CREB5: variants seen among roughly 807,000 people sequenced by gnomAD.
The protein encoded by CREB5 is cAMP responsive element binding protein 5.
A neutral mutation model predicts 57.1 loss-of-function variants in CREB5; 19 were observed. The ratio of observed to expected loss-of-function variants is 0.33; its 90% CI spans 0.23 to 0.49. CREB5 has a LOEUF of 0.49. Ranked by LOEUF, CREB5 falls within the 20% of genes least tolerant of loss-of-function variation. The pLI, the probability that CREB5 is intolerant of heterozygous loss-of-function variation, is 0.99. For missense variants in CREB5, 579 were observed against 671.6 expected, an observed-to-expected ratio of 0.86 and a Z score of 1.52; for synonymous variants, 238 against 238.3, an observed-to-expected ratio of 1.00 and a Z score of 0.01.
chr7:28,666,004 T>A (rs1246401907), intron 5 of CREB5, among the ~76,000 whole-genome samples: 1 of 152,158 alleles, frequency 6.6e-6, no homozygotes, highest in Non-Finnish European at 1.5e-5. Flanking sequence ...GAAAAAACAG[T>A]AAGAAAAATC....
chr7:28,458,022 G>T (rs1408828924), intron 1 of CREB5, among the ~76,000 whole-genome samples: 1 of 152,030 alleles, frequency 6.6e-6, no homozygotes, highest in African/African-American at 2.4e-5. Context: ...AGCATGACAG[G>T]GCCCTATCCC....
intron 5 of CREB5, among the ~76,000 whole-genome samples, chr7:28,605,433 T>G (rs1196920987): frequency 6.6e-6 from 1 of 152,240 alleles, no homozygotes; most frequent in African/African-American, 2.4e-5. Flanking sequence ...GTCAAAGACA[T>G]GACACTTCAG....
intron 5 of CREB5, among the ~76,000 whole-genome samples, chr7:28,660,384 T>TG (rs986079690): frequency 1.3e-5 from 2 of 149,882 alleles, no homozygotes; most frequent in Non-Finnish European, 3.0e-5. Context: ...TTCAACAGTT[T>TG]TTTTTTTTTT....
chr7:28,493,335 A>G (rs768548217), intron 2 of CREB5, among the ~76,000 whole-genome samples: 1 of 152,248 alleles, frequency 6.6e-6, no homozygotes, highest in Non-Finnish European at 1.5e-5. Context: ...TTCAGTTACT[A>G]CAAACATACC....
At chr7:28,621,677 C>A (rs1797796962) in intron 5 of CREB5, among the ~76,000 whole-genome samples, 1 of 152,146 alleles carries the variant, frequency 6.6e-6, no homozygotes, top group South Asian at 2.1e-4. Context: ...TGATCTCACT[C>A]CCCTGAGTAG....
At chr7:28,484,991 A>G (rs986462177) in intron 1 of CREB5, among the ~76,000 whole-genome samples, 1 of 152,256 alleles carries the variant, frequency 6.6e-6, no homozygotes, top group Non-Finnish European at 1.5e-5. Context: ...AAATGCAGCC[A>G]TTAATTAAGA....
chr7:28,740,240 C>T (rs1390026144), intron 7 of CREB5, among the ~76,000 whole-genome samples: 1 of 152,184 alleles, frequency 6.6e-6, no homozygotes, highest in Non-Finnish European at 1.5e-5. Context: ...CAGGAAACAA[C>T]TAGATAAATT....
At chr7:28,661,742 C>T (rs1562556364) in intron 5 of CREB5, among the ~76,000 whole-genome samples, 1 of 152,166 alleles carries the variant, frequency 6.6e-6, no homozygotes, top group Admixed American at 6.5e-5. Flanking sequence ...TTACAGCACA[C>T]TCATTTATTG....
intron 1 of CREB5, among the ~76,000 whole-genome samples, chr7:28,431,997 T>G (rs889725189): frequency 6.6e-6 from 1 of 151,632 alleles, no homozygotes; most frequent in Non-Finnish European, 1.5e-5. Context: ...TTTTTTTTTT[T>G]TTGCTTTTTT....
chr7:28,732,251 A>G (rs979289326), intron 7 of CREB5, among the ~76,000 whole-genome samples: 2 of 151,958 alleles, frequency 1.3e-5, no homozygotes, highest in African/African-American at 2.4e-5. Flanking sequence ...GCCAGTATCC[A>G]CCCTGTTTTG....
chr7:28,366,943 A>G (rs954213279), intron 1 of CREB5, among the ~76,000 whole-genome samples: 1 of 152,180 alleles, frequency 6.6e-6, no homozygotes, highest in African/African-American at 2.4e-5. Context: ...TCTTTATTTT[A>G]TTAGGTACAT....
chr7:28,353,660 G>A (rs1284996451), intron 1 of CREB5, among the ~76,000 whole-genome samples: 1 of 151,910 alleles, frequency 6.6e-6, no homozygotes, highest in Non-Finnish European at 1.5e-5. Context: ...TGGCTAACAT[G>A]GTGAAACCCC....
At chr7:28,691,385 A>C (rs2128730592) in intron 5 of CREB5, among the ~76,000 whole-genome samples, 1 of 138,984 alleles carries the variant, frequency 7.2e-6, no homozygotes, top group African/African-American at 2.7e-5. Flanking sequence ...GTGCCATTGC[A>C]CTCCAGCCTG....
intron 1 of CREB5, among the ~76,000 whole-genome samples, chr7:28,442,800 A>C (rs566294116): frequency 6.6e-6 from 1 of 152,280 alleles, no homozygotes; most frequent in East Asian, 1.9e-4. Context: ...AGTCAGTATC[A>C]CTCATCATTG....
intron 7 of CREB5, among the ~76,000 whole-genome samples, chr7:28,787,970 T>C (rs1807434045): frequency 6.6e-6 from 1 of 152,236 alleles, no homozygotes. Context: ...GTTATTTAGC[T>C]GAATTTTGAT....
Position 28,718,826 on chromosome 7 carries a change from C to G in CREB5, c.538C>G (p.Pro180Ala). The G allele has an allele frequency of 2.5e-6, 4 of 1,614,122 alleles. No homozygotes were observed. Among genetic ancestry groups the G allele is most frequent in the Admixed American group, 3.3e-5 (2 of 60,018 alleles). ...GAGACAGCCCATGCCAGCCTCCATG[C>G]CTGGGACCCTGCCCAACCCTACAAT... ...RQRQPMPASM[P>A]GTLPNPTMPG... Residue 180 changes from proline to alanine, a missense_variant, in exon 6 of 11, where the codon CCT becomes GCT. Physicochemically the swap from Pro to Ala is conservative, Grantham distance 27 (BLOSUM62 -1). Coordinates refer to ENST00000357727, the MANE Select transcript of CREB5 (RefSeq NM_182898.4).
chr7:28,355,099 A>G (rs574344449), intron 1 of CREB5, among the ~76,000 whole-genome samples: 1 of 152,332 alleles, frequency 6.6e-6, no homozygotes, highest in South Asian at 2.1e-4. Context: ...CATTAATGCA[A>G]GTGACTTGCA....
In CREB5 at chr7:28,544,021, C is replaced by T. The variant is rs191636954; in HGVS notation, c.292-26344C>T. On this transcript the variant is annotated intron_variant, in intron 4 of 10. Transcript: ENST00000357727. ...ATAAATGGTGAGTTTTATGAGTATT[C>T]TGAGGCTTCTTCCTACACCATAACT... Among the ~76,000 whole-genome samples, 16 of 151,468 alleles carry T rather than the reference C, an allele frequency of 1.1e-4. No individual in the cohort carries two copies. In the East Asian group the frequency reaches 3.1e-3, roughly 29 times the overall value.
intron 5 of CREB5, among the ~76,000 whole-genome samples, chr7:28,636,113 T>C (rs535685945): frequency 6.6e-6 from 1 of 152,374 alleles, no homozygotes; most frequent in African/African-American, 2.4e-5. Context: ...TGTGCTGTTC[T>C]TTTTATATTT....
Sources: gnomAD v4.1 joint callset for allele counts (sites outside exome capture counted in the v4.1 genomes callset) on GRCh38, gnomAD v4.1.1 for gene constraint, MANE v1.5 for transcripts, NCBI Gene and HGNC (gene_info 2026-07-23, HGNC 2026-07-21) for gene names.